The following NR6A1 variants were observed in gnomAD, a reference collection of about 807,000 sequenced individuals.
The protein encoded by NR6A1 is retinoic acid receptor-related testis-associated receptor.
In NR6A1, 7 loss-of-function variants were observed where a neutral mutation model predicts 59.1. The ratio of observed to expected loss-of-function variants is 0.12; its 90% CI spans 0.07 to 0.22. NR6A1 has a LOEUF of 0.22. NR6A1 is among the 10% of genes least tolerant of loss of function. The pLI, the probability that NR6A1 is intolerant of heterozygous loss-of-function variation, is 1.00. For missense variants in NR6A1, 468 were observed against 611.6 expected, an observed-to-expected ratio of 0.77 and a Z score of 2.48; for synonymous variants, 243 against 236.1, an observed-to-expected ratio of 1.03 and a Z score of -0.27.
intron 1 of NR6A1, among the ~76,000 whole-genome samples, chr9:124,748,175 C>G (rs1253992732): frequency 6.6e-6 from 1 of 152,146 alleles, no homozygotes; most frequent in Non-Finnish European, 1.5e-5. Flanking sequence ...TGCCTTGCTT[C>G]AGTATTAATA....
chr9:124,656,002 T>A lies in NR6A1; in HGVS notation c.142+77306A>T, dbSNP rs529128496. Among the ~76,000 whole-genome samples the A allele has an allele frequency of 6.0e-4, 91 of 152,270 alleles. 1 individual carries two copies. In the South Asian group the frequency reaches 0.018, roughly 31 times the overall value. ...GCTGAAATCTAACCCCTTATGTTGG[T>A]GGTGGGGCCTGGTGGGAGGTGTCTG... On this transcript the variant is annotated intron_variant, in intron 2 of 9. Transcript: ENST00000487099.
At chr9:124,658,575 G>C (rs1837330272) in intron 2 of NR6A1, 1 of 152,044 alleles carries the variant, frequency 6.6e-6, no homozygotes, top group African/African-American at 2.4e-5. Flanking sequence ...CATTTCTACA[G>C]CAAGAATCCT....
chr9:124,763,660 G>T (rs1429048416), intron 1 of NR6A1, among the ~76,000 whole-genome samples: 1 of 152,176 alleles, frequency 6.6e-6, no homozygotes, highest in African/African-American at 2.4e-5. Flanking sequence ...GGATGAGGAA[G>T]GGGGATAAAG....
chr9:124,615,468 A>G (rs752909458), intron 2 of NR6A1, among the ~76,000 whole-genome samples: 1 of 152,236 alleles, frequency 6.6e-6, no homozygotes, highest in Non-Finnish European at 1.5e-5. Context: ...AATTCTATAG[A>G]GGTCAAACAC....
rs376475300 is a variant in NR6A1, at chr9:124,536,081, G to A, written c.876C>T (p.Asp292=). The change falls in exon 7 of 10, where the codon GAC becomes GAT. Residue 292 remains aspartate, a synonymous_variant. Transcript: ENST00000487099. ...AGGCAATCTGCCTAAAGAGCAGCTC[G>A]TCGGCCAGGCGGCAAAGCAGGGCAA... is the stretch of plus-strand genomic sequence containing the variant. The part of the protein sequence containing the change: ...ELFALLCRLA[D]ELLFRQIAWI... 76 of 1,614,018 alleles carry A rather than the reference G, an allele frequency of 4.7e-5. 1 individual carries two copies. The highest frequency in any genetic ancestry group is 3.5e-4 in the Admixed American group (21 of 60,006).
intron 3 of NR6A1, among the ~76,000 whole-genome samples, chr9:124,553,549 CTTTTTTTTTTTTTT>C (rs780925768): frequency 6.3e-5 from 3 of 47,324 alleles, no homozygotes; most frequent in Non-Finnish European, 1.2e-4. Context: ...TTTAGCTTGA[CTTTTTTTTTTTTTT>C]TTTTTTTTTT....
intron 2 of NR6A1, among the ~76,000 whole-genome samples, chr9:124,648,966 A>T (rs1348245319): frequency 6.6e-6 from 1 of 152,130 alleles, no homozygotes; most frequent in Non-Finnish European, 1.5e-5. Context: ...CACACAAAAA[A>T]GGAAAGACAT....
At chr9:124,719,153 G>A (rs916021976) in intron 2 of NR6A1, among the ~76,000 whole-genome samples, 2 of 151,586 alleles carry the variant, frequency 1.3e-5, no homozygotes, top group African/African-American at 2.4e-5. Context: ...AGGCTGGAGT[G>A]CAGTGGTGCG....
intron 2 of NR6A1, among the ~76,000 whole-genome samples, chr9:124,617,597 TC>T (rs1835937136): frequency 6.6e-6 from 1 of 152,102 alleles, no homozygotes; most frequent in Non-Finnish European, 1.5e-5. Flanking sequence ...TATGAGTGGC[TC>T]CCTACAGCTT....
At chr9:124,583,427 T>A (rs1347999695) in intron 2 of NR6A1, among the ~76,000 whole-genome samples, 2 of 152,188 alleles carry the variant, frequency 1.3e-5, no homozygotes, top group Admixed American at 1.3e-4. Context: ...GACAGTTTCT[T>A]GAAGTGTTAA....
chr9:124,560,285 G>A (rs895731079), intron 2 of NR6A1, among the ~76,000 whole-genome samples: 1 of 152,256 alleles, frequency 6.6e-6, no homozygotes, highest in African/African-American at 2.4e-5. Context: ...CCCAAGGGTA[G>A]GACTTTACAT....
chr9:124,706,738 A>G (rs1196420775), intron 2 of NR6A1, among the ~76,000 whole-genome samples: 1 of 151,830 alleles, frequency 6.6e-6, no homozygotes, highest in Non-Finnish European at 1.5e-5. Context: ...GGATGGTCTC[A>G]ATCTCCCGAC....
rs1835746702 is a variant in NR6A1 at position 124,611,680 on chromosome 9, T to TC, written c.143-57111dup. On this transcript the variant is annotated intron_variant, in intron 2 of 9. Transcript: ENST00000487099. ...GGGAGGATCACTTGAGCCTAGGAGG[T>TC]CGAGGCTCCAGTGAGCCGTGATTAC... is the stretch of plus-strand genomic sequence containing the variant. 2.0e-5 allele frequency among the ~76,000 whole-genome samples: 3 copies of TC among 148,616 alleles called. No individual in the cohort carries two copies. The South Asian group carries it at 6.4e-4, about 32-fold the overall frequency.
intron 1 of NR6A1, among the ~76,000 whole-genome samples, chr9:124,770,542 G>A (rs1377194275): frequency 1.3e-5 from 2 of 151,036 alleles, no homozygotes; most frequent in Non-Finnish European, 3.0e-5. Context: ...CCCTGTAGGG[G>A]AAAAGAGAGG....
intron 2 of NR6A1, among the ~76,000 whole-genome samples, chr9:124,690,054 C>A (rs1279341363): frequency 1.3e-5 from 2 of 152,230 alleles, no homozygotes; most frequent in African/African-American, 4.8e-5. Context: ...TGAATTCACA[C>A]TGACATGCTG....
In NR6A1 at chr9:124,720,558, T is replaced by C. The variant is rs183868320; in HGVS notation, c.142+12750A>G. Among the ~76,000 whole-genome samples, 6 of 152,340 alleles carry C rather than the reference T, an allele frequency of 3.9e-5. No individual in the cohort carries two copies. In the East Asian group the frequency reaches 9.6e-4, roughly 24 times the overall value. ...GCTTACCAACAAAGCACATTCAATTTTGGTTCACAATGACTGTCGGCTCTC... is the reference window on the plus strand; with the variant it reads ...GCTTACCAACAAAGCACATTCAATTCTGGTTCACAATGACTGTCGGCTCTC... On this transcript the variant is annotated intron_variant, in intron 2 of 9. Transcript: ENST00000487099.
chr9:124,753,483 G>T lies in NR6A1; in HGVS notation c.100+17537C>A, dbSNP rs143902203. Among the ~76,000 whole-genome samples the T allele has an allele frequency of 2.0e-4, 31 of 152,196 alleles. No homozygotes were observed. The East Asian group carries it at 6.0e-3, about 29-fold the overall frequency. On this transcript the variant is annotated intron_variant, in intron 1 of 9. Coordinates refer to ENST00000487099, the MANE Select transcript of NR6A1 (RefSeq NM_033334.4). ...TATTAGAAAATGACAAAAATCATGT[G>T]GTGATACAGGAAAAACTGAAGATTT... is the stretch of plus-strand genomic sequence containing the variant.
intron 2 of NR6A1, among the ~76,000 whole-genome samples, chr9:124,651,800 C>T (rs1008712241): frequency 3.3e-5 from 5 of 152,106 alleles, no homozygotes; most frequent in African/African-American, 1.2e-4. Flanking sequence ...AGAAAATATG[C>T]ATTTTCCTGG....
intron 2 of NR6A1, among the ~76,000 whole-genome samples, chr9:124,618,001 C>T (rs955689980): frequency 4.6e-5 from 7 of 152,336 alleles, no homozygotes; most frequent in South Asian, 2.1e-4. Flanking sequence ...AGCCCAACCC[C>T]TGGGGAGACT....
Sources: gnomAD v4.1 joint callset for allele counts (sites outside exome capture counted in the v4.1 genomes callset) on GRCh38, gnomAD v4.1.1 for gene constraint, MANE v1.5 for transcripts, NCBI Gene and HGNC (gene_info 2026-07-23, HGNC 2026-07-21) for gene names.